The following RANBP17 variants were observed in gnomAD, a reference collection of about 807,000 sequenced individuals.
The protein encoded by RANBP17 is RAN binding protein 17, also known as ran-binding protein 17.
In RANBP17, 158 loss-of-function variants were observed where a neutral mutation model predicts 141.2. That is an observed-to-expected ratio of 1.12 (90% confidence interval 0.98 to 1.28). RANBP17 has a LOEUF of 1.28. RANBP17 is among the 50% of genes most tolerant of loss of function. RANBP17 has a pLI of 0.00. For synonymous variants in RANBP17, 430 were observed against 450.0 expected (o/e 0.96, Z 0.56); for missense variants, 1,438 against 1,290.7 (o/e 1.11, Z -1.75).
chr5:171,032,196 G>A (rs2127619405), intron 14 of RANBP17, among the ~76,000 whole-genome samples: 1 of 152,122 alleles, frequency 6.6e-6, no homozygotes, highest in Non-Finnish European at 1.5e-5. Context: ...CATAAGTGCT[G>A]CCAACAGCTC....
intron 14 of RANBP17, chr5:170,968,832 C>T: frequency 2.5e-6 from 1 of 396,280 alleles, no homozygotes; most frequent in Non-Finnish European, 4.9e-6. Context: ...TGCATATAAC[C>T]TTAATGTTAG....
intron 24 of RANBP17, among the ~76,000 whole-genome samples, chr5:171,263,947 A>G (rs1766504618): frequency 6.6e-6 from 1 of 152,100 alleles, no homozygotes; most frequent in Non-Finnish European, 1.5e-5. Context: ...CTACAGTCCT[A>G]GCTACTTGGG....
intron 14 of RANBP17, chr5:171,143,466 C>T (rs1459362309): frequency 3.9e-5 from 6 of 152,108 alleles, no homozygotes; most frequent in Admixed American, 3.9e-4. Context: ...ATTGGCCTTC[C>T]AGGTAAGCCC....
chr5:170,968,335 T>A lies in RANBP17; in HGVS notation c.1668T>A (p.Phe556Leu). ...ELAILWFLDQ[F>L]RKTYVGDQLQ... ...CAATTCTGTGGTTCTTGGATCAGTT[T>A]CGTAAAACATATGTTGGTGATCAAC... The change falls in exon 14 of 28, where the codon TTT (phenylalanine) becomes TTA (leucine). Residue 556 changes from phenylalanine (F) to leucine (L), a missense_variant. Transcript: ENST00000523189. The A allele has an allele frequency of 6.2e-7, 1 of 1,609,332 alleles. No individual in the cohort carries two copies. Among genetic ancestry groups the A allele is most frequent in the Non-Finnish European group, 8.5e-7 (1 of 1,178,004 alleles).
chr5:171,136,984 C>CTTGTG (rs1757333286), intron 14 of RANBP17, among the ~76,000 whole-genome samples: 1 of 152,062 alleles, frequency 6.6e-6, no homozygotes, highest in Non-Finnish European at 1.5e-5. Flanking sequence ...TGCAGGAAGA[C>CTTGTG]TTGTGGCTGG....
At chr5:171,264,432 T>A (rs1055023035) in intron 24 of RANBP17, among the ~76,000 whole-genome samples, 2 of 152,134 alleles carry the variant, frequency 1.3e-5, no homozygotes, top group Non-Finnish European at 2.9e-5. Flanking sequence ...AGAGTACAGA[T>A]CCAGAGTTCA....
chr5:171,181,347 G>T (rs1315659076), intron 16 of RANBP17, among the ~76,000 whole-genome samples: 2 of 152,122 alleles, frequency 1.3e-5, no homozygotes, highest in Non-Finnish European at 2.9e-5. Flanking sequence ...CTACTCGGGA[G>T]GCTGAGGCAG....
chr5:171,000,349 T>G (rs1199065010), intron 14 of RANBP17, among the ~76,000 whole-genome samples: 1 of 152,178 alleles, frequency 6.6e-6, no homozygotes, highest in Non-Finnish European at 1.5e-5. Context: ...CCACCAGCAT[T>G]GCACAAGGAT....
At chr5:171,091,041 T>A (rs1581612888) in intron 14 of RANBP17, among the ~76,000 whole-genome samples, 1 of 152,234 alleles carries the variant, frequency 6.6e-6, no homozygotes, top group Admixed American at 6.5e-5. Context: ...AGTGGAGCTG[T>A]GAGAAGAGGG....
chr5:171,199,728 A>C lies in RANBP17; in HGVS notation c.2097A>C (p.Thr699=). The C allele has an allele frequency of 6.2e-7, 1 of 1,611,518 alleles. No individual in the cohort carries two copies. Among genetic ancestry groups the C allele is most frequent in the East Asian group, 2.2e-5 (1 of 44,828 alleles). The change falls in exon 19 of 28, where the codon ACA becomes ACC. Residue 699 remains threonine (T), a synonymous_variant. Transcript: ENST00000523189. ...TGCCTCTTACAGTTGCTTTTGAAAC[A>C]GTATTACAAATATTCAACAACAACT... ...FMLPLTVAFE[T]VLQIFNNNFK... is the part of the protein sequence containing the mutation.
chr5:171,264,995 G>A (rs907702481), intron 24 of RANBP17, among the ~76,000 whole-genome samples: 1 of 152,166 alleles, frequency 6.6e-6, no homozygotes, highest in African/African-American at 2.4e-5. Context: ...TTTTTACACA[G>A]CATTATGCTA....
intron 25 of RANBP17, among the ~76,000 whole-genome samples, chr5:171,276,170 AC>A (rs1315642709): frequency 1.3e-5 from 2 of 152,248 alleles, no homozygotes; most frequent in Non-Finnish European, 2.9e-5. Context: ...GCTTAAAGGG[AC>A]TTGTAGATTA....
At chr5:170,920,053 A>G (rs780718711) in intron 11 of RANBP17, among the ~76,000 whole-genome samples, 142 of 152,208 alleles carry the variant, frequency 9.3e-4, no homozygotes, top group African/African-American at 2.6e-3. Flanking sequence ...TTGTTTACCA[A>G]TTCACCTGTT....
chr5:170,910,616 A>T (rs1771450770), intron 6 of RANBP17: 1 of 177,788 alleles, frequency 5.6e-6, no homozygotes, highest in Admixed American at 5.8e-5. Flanking sequence ...CCCAAATTTC[A>T]TATAATTTCC....
chr5:171,040,221 G>A lies in RANBP17; in HGVS notation c.1710+71844G>A, dbSNP rs535968647. 3.3e-5 allele frequency among the ~76,000 whole-genome samples: 5 copies of A among 152,158 alleles called. No homozygotes were observed. The East Asian group carries it at 5.8e-4, about 18-fold the overall frequency. On this transcript the variant is annotated intron_variant, in intron 14 of 27. Coordinates refer to ENST00000523189, the MANE Select transcript of RANBP17 (RefSeq NM_022897.5). ...GGATGCAAGGTTGTTTCAACATAAT[G>A]CAAATCAATAAATGTGATTCACCAC...
chr5:170,979,422 G>C (rs1777609193), intron 14 of RANBP17, among the ~76,000 whole-genome samples: 2 of 152,098 alleles, frequency 1.3e-5, no homozygotes, highest in Admixed American at 1.3e-4. Context: ...TGAGAGTAGA[G>C]GAATAAAAAA....
intron 14 of RANBP17, among the ~76,000 whole-genome samples, chr5:171,064,533 G>T (rs749836549): frequency 8.6e-5 from 13 of 151,988 alleles, no homozygotes; most frequent in East Asian, 1.9e-4. Context: ...GTTTCACTCT[G>T]TTGCCCAGGC....
chr5:170,914,774 C>T (rs1373498916), intron 8 of RANBP17, among the ~76,000 whole-genome samples: 1 of 152,084 alleles, frequency 6.6e-6, no homozygotes. Flanking sequence ...GTTCTTGATA[C>T]TCTGTAGTTG....
chr5:171,174,751 A>AGTGTGTGTGT (rs57948503), intron 16 of RANBP17, among the ~76,000 whole-genome samples: 3,142 of 135,652 alleles, frequency 0.023, 52 homozygotes, highest in African/African-American at 0.05. Context: ...AAATATCTAG[A>AGTGTGTGTGT]GTGTGTGTGT....
Sources: gnomAD v4.1 joint callset for allele counts (sites outside exome capture counted in the v4.1 genomes callset) on GRCh38, gnomAD v4.1.1 for gene constraint, MANE v1.5 for transcripts, NCBI Gene and HGNC (gene_info 2026-07-23, HGNC 2026-07-21) for gene names.